PIF1: variants seen among roughly 807,000 people sequenced by gnomAD.
PIF1 encodes PIF1 5'-to-3' DNA helicase.
In PIF1, 67 loss-of-function variants were observed where a neutral mutation model predicts 62.3. That is an observed-to-expected ratio of 1.08 (90% CI 0.88 to 1.32). The LOEUF (loss-of-function observed/expected upper bound fraction) is 1.32, where lower values mean the gene tolerates loss of function less well. PIF1 is among the 40% of genes most tolerant of loss of function. The pLI, the probability that PIF1 is intolerant of heterozygous loss-of-function variation, is 0.00. For synonymous variants in PIF1, 364 were observed against 379.5 expected (o/e 0.96, Z 0.47); for missense variants, 886 against 866.1 (o/e 1.02, Z -0.29).
chr15:64,823,739 C>T, intron 2 of PIF1, 39 bp downstream of exon 2: 2 of 1,280,596 alleles, frequency 1.6e-6, no homozygotes, highest in East Asian at 2.9e-5. Context: ...AAGAATGGCA[C>T]ATCTACTCCT....
intron 4 of PIF1, chr15:64,821,806 C>A (rs2084294520): frequency 2.8e-6 from 1 of 354,862 alleles, no homozygotes; most frequent in Non-Finnish European, 5.1e-6. Context: ...GTGGCGTGAT[C>A]TCGGCTCACT....
chr15:64,819,154 G>A lies in PIF1; in HGVS notation c.1403C>T (p.Pro468Leu). The change falls in exon 9 of 13, where the codon CCT becomes CTT. Residue 468 changes from proline (P) to leucine (L), a missense_variant. Physicochemically the swap from Pro to Leu is moderately conservative, Grantham distance 98. Coordinates refer to ENST00000559239, the MANE Select transcript of PIF1 (RefSeq NM_001286496.2). ...ELASTLDAQC[P>L]VSQLLQLKLG... ...CTTTAGTTGAAGGAGCTGGCTAACA[G>A]GACACTGGGCATCCAGGGTACTGGC... The A allele has an allele frequency of 2.5e-6, 4 of 1,600,684 alleles. No homozygotes were observed. Among genetic ancestry groups the A allele is most frequent in the Non-Finnish European group, 3.4e-6 (4 of 1,176,252 alleles).
In PIF1 at chr15:64,816,174, C is replaced by A; in HGVS notation, c.*124G>T. 6.5e-7 allele frequency: 1 copy of A among 1,529,686 alleles called. No individual in the cohort carries two copies. The highest frequency in any genetic ancestry group is 8.8e-7 in the Non-Finnish European group (1 of 1,140,614). 94.8% of individuals were successfully genotyped at this position (1,529,686 alleles called of 1,614,324 possible). ...AACCCTGCCAGGAGGCTGAGAGTCC[C>A]TAAAAAATACAGAAGGGGACACTGC... is the stretch of plus-strand genomic sequence containing the variant. On this transcript the variant is annotated 3_prime_UTR_variant, in exon 13 of 13. Transcript: ENST00000559239.
Position 64,817,979 on chromosome 15 carries a change from C to G in PIF1, c.1641G>C (p.Gln547His). ...QLLSRQQLPL[Q>H]LAWAMSIHKS... ...TGTGGATGGACATCGCCCAGGCCAG[C>G]TGGAGGGGCAGCTGCTGCCGACTGA... Residue 547 changes from glutamine to histidine, a missense_variant, in exon 11 of 13, where the codon CAG becomes CAC. Gln to His is a conservative substitution (Grantham distance 24). Transcript: ENST00000559239. The G allele has an allele frequency of 6.2e-7, 1 of 1,613,442 alleles. No individual in the cohort carries two copies. Among genetic ancestry groups the G allele is most frequent in the Non-Finnish European group, 8.5e-7 (1 of 1,179,802 alleles).
rs113634652 is a variant in PIF1 at position 64,818,077 on chromosome 15, G to T, written c.1543C>A (p.Arg515=). The T allele has an allele frequency of 9.9e-6, 16 of 1,613,768 alleles. 1 individual carries two copies. The highest frequency in any genetic ancestry group is 6.7e-5 in the African/African-American group (5 of 74,916). ...EAEGRGLPQV[R]FLCGVTEVIH... The stretch of plus-strand genomic sequence containing the variant: ...ACCTCAGTGACTCCACACAGGAACC[G>T]CACCTGGGGTAGCCCTAAGGAGAGC... The change falls in exon 11 of 13, where the codon CGG becomes AGG. Residue 515 remains arginine (R), a synonymous_variant. Transcript: ENST00000559239.
At position 64,819,883 on chromosome 15, in the gene PIF1, C is replaced by T. The variant is rs1353968907; in HGVS notation, c.1297G>A (p.Ala433Thr). The change falls in exon 8 of 13, where the codon GCC becomes ACC. Residue 433 changes from alanine (A) to threonine (T), a missense_variant. Transcript: ENST00000559239. ...TRLCTHQDDV[A>T]LTNERRLQEL... is the part of the protein sequence containing the mutation. ...TGAAGCCGCCTCTCGTTGGTGAGGG[C>T]CACATCATCCTGGTGGGTGCAGAGC... 3 of 1,613,876 alleles carry T rather than the reference C, an allele frequency of 1.9e-6. No homozygotes were observed. In the African/African-American group the frequency reaches 4.0e-5, roughly 22 times the overall value.
At position 64,821,105 on chromosome 15, in the gene PIF1, G is replaced by A; in HGVS notation, c.1087-17C>T. The A allele has an allele frequency of 3.1e-6, 5 of 1,613,052 alleles. No individual in the cohort carries two copies. The highest frequency in any genetic ancestry group is 1.1e-5 in the South Asian group (1 of 91,056). ...GCTCTTGGACTGGTGGGGGCAGGGT[G>A]GGGGTGGGTCAAGGAGCAGAGCAGA... is the stretch of plus-strand genomic sequence containing the variant. On this transcript the variant is annotated splice_polypyrimidine_tract_variant and intron_variant, in intron 6 of 12. Transcript: ENST00000559239.
chr15:64,826,836 C>G (rs2084378031), upstream of PIF1, among the ~76,000 whole-genome samples: 1 of 150,820 alleles, frequency 6.6e-6, no homozygotes, highest in Non-Finnish European at 1.5e-5. Context: ...AACGATCCAC[C>G]CACCGTGGCC....
intron 12 of PIF1, 41 bp from the exon 13 acceptor site, chr15:64,816,398 G>C (rs761030085): frequency 6.2e-7 from 1 of 1,612,746 alleles, no homozygotes; most frequent in Non-Finnish European, 8.5e-7. Flanking sequence ...GGTTTGTGCT[G>C]TTCCCCAGGA....
At position 64,818,350 on chromosome 15, in the gene PIF1, A is replaced by G; in HGVS notation, c.1441-6T>C. 6.2e-7 allele frequency: 1 copy of G among 1,613,766 alleles called. No individual in the cohort carries two copies. On this transcript the variant is annotated splice_polypyrimidine_tract_variant and splice_region_variant and intron_variant, in intron 9 of 12. Coordinates refer to ENST00000559239, the MANE Select transcript of PIF1 (RefSeq NM_001286496.2). ...AAGTTTTTCACCAGCATCACCTGCA[A>G]GGGAGAGAGAGGAATGGACAGCAGC...
chr15:64,821,667 G>T, intron 4 of PIF1, 147 bp from the exon 5 acceptor site: 1 of 873,450 alleles, frequency 1.1e-6, no homozygotes, highest in East Asian at 2.8e-5. Context: ...GGCCTCATGG[G>T]CTCAAGCGAT....
In PIF1 at chr15:64,816,116, A is replaced by G; in HGVS notation, c.*182T>C. ...GGCAAAGTGAGAGAAACTGAAGCAC[A>G]GCTGGTATATGGGTTTAAAGTACTC... On this transcript the variant is annotated 3_prime_UTR_variant, in exon 13 of 13. Transcript: ENST00000559239. 1.4e-6 allele frequency: 2 copies of G among 1,455,752 alleles called. No individual in the cohort carries two copies. Among genetic ancestry groups the G allele is most frequent in the Non-Finnish European group, 1.8e-6 (2 of 1,109,738 alleles). 90.2% of individuals were successfully genotyped at this position (1,455,752 alleles called of 1,614,324 possible).
intron 3 of PIF1, 23 bp downstream of exon 3, chr15:64,822,455 T>C: frequency 6.2e-7 from 1 of 1,610,822 alleles, no homozygotes; most frequent in South Asian, 1.1e-5. Context: ...ACTGTCCCCC[T>C]ACCTCCTCTC....
chr15:64,817,124 C>T (rs1014039226), intron 11 of PIF1, among the ~76,000 whole-genome samples: 3 of 149,644 alleles, frequency 2.0e-5, no homozygotes, highest in Non-Finnish European at 4.5e-5. Flanking sequence ...ATACTTGATA[C>T]AGTGGTTGTA....
chr15:64,817,786 T>A lies in PIF1; in HGVS notation c.1674+160A>T, dbSNP rs1188272338. 2.0e-5 allele frequency among the ~76,000 whole-genome samples: 3 copies of A among 151,808 alleles called. No homozygotes were observed. In the East Asian group the frequency reaches 5.9e-4, roughly 30 times the overall value. On this transcript the variant is annotated intron_variant, in intron 11 of 12. Transcript: ENST00000559239. Reference sequence around the variant, plus strand: ...CTGAGGCAGGAGAATCTCTTGAACCTGGGAGGTGGAGGTTGCAGTGAGCCA... The same window carrying A: ...CTGAGGCAGGAGAATCTCTTGAACCAGGGAGGTGGAGGTTGCAGTGAGCCA...
In PIF1 at chr15:64,815,791, G is replaced by C. The variant is rs1480078338; in HGVS notation, c.*507C>G. 6.4e-7 allele frequency: 1 copy of C among 1,550,666 alleles called. No homozygotes were observed. Among genetic ancestry groups the C allele is most frequent in the Non-Finnish European group, 8.7e-7 (1 of 1,147,012 alleles). ...TTTGGTTAGGCTCTGAAGGGTGTTT[G>C]TTCTGGGCTGGGCTAGGCTGGGCCT... On this transcript the variant is annotated 3_prime_UTR_variant, in exon 13 of 13. Transcript: ENST00000559239.
In PIF1 at chr15:64,818,101, G is replaced by A. The variant is rs376890836; in HGVS notation, c.1529-10C>T. On this transcript the variant is annotated splice_polypyrimidine_tract_variant and intron_variant, in intron 10 of 12. Coordinates refer to ENST00000559239, the MANE Select transcript of PIF1 (RefSeq NM_001286496.2). ...CGCACCTGGGGTAGCCCTAAGGAGA[G>A]CATGGAGCAGTCCAACTTTAGCTCT... 17 of 1,613,548 alleles carry A rather than the reference G, an allele frequency of 1.1e-5. No individual in the cohort carries two copies. In the African/African-American group the frequency reaches 2.1e-4, roughly 20 times the overall value.
At position 64,821,448 on chromosome 15, in the gene PIF1, C is replaced by T; in HGVS notation, c.890G>A (p.Trp297Ter). 6.2e-7 allele frequency: 1 copy of T among 1,614,134 alleles called. No individual in the cohort carries two copies. ...LAQRPGVRQG[W>*]LNCQRLVIDE... ...AATGACCAACCGCTGGCAGTTCAGC[C>T]AGCCCTGCCGCACGCCTGGCCTTTG... is the stretch of plus-strand genomic sequence containing the variant. Residue 297 changes from tryptophan to a stop codon, truncating the protein, a stop_gained, in exon 5 of 13, where the codon TGG becomes TAG. Coordinates refer to ENST00000559239, the MANE Select transcript of PIF1 (RefSeq NM_001286496.2). LOFTEE classifies it high-confidence loss of function.
At position 64,819,930 on chromosome 15, in the gene PIF1, C is replaced by G; in HGVS notation, c.1250G>C (p.Arg417Pro). ...LQATASHKVG[R>P]DGIVATRLCT... ...GAGCCTCGTGGCCACAATCCCATCTCGCCCCACCTTGTGGGAAGCTGTGGC... is the reference window on the plus strand; with the variant it reads ...GAGCCTCGTGGCCACAATCCCATCTGGCCCCACCTTGTGGGAAGCTGTGGC... Residue 417 changes from arginine to proline, a missense_variant, in exon 8 of 13, where the codon CGA becomes CCA. Physicochemically the swap from Arg to Pro is moderately radical, Grantham distance 103. Transcript: ENST00000559239. The G allele has an allele frequency of 1.2e-6, 2 of 1,614,176 alleles. No homozygotes were observed. The highest frequency in any genetic ancestry group is 1.7e-6 in the Non-Finnish European group (2 of 1,180,042).
Sources: gnomAD v4.1 joint callset for allele counts (sites outside exome capture counted in the v4.1 genomes callset) on GRCh38, gnomAD v4.1.1 for gene constraint, MANE v1.5 for transcripts, NCBI Gene and HGNC (gene_info 2026-07-23, HGNC 2026-07-21) for gene names.